The following XKR4 variants were observed in gnomAD, a reference collection of about 807,000 sequenced individuals.
XKR4 encodes XK related 4, also known as XK-related protein 4.
In XKR4, 12 loss-of-function variants were observed where a neutral mutation model predicts 53.9. The observed-to-expected ratio is 0.22, with a 90% CI of 0.14 to 0.36. The LOEUF (loss-of-function observed/expected upper bound fraction) is 0.36. Ranked by LOEUF, XKR4 falls within the 10% of genes least tolerant of loss-of-function variation. XKR4 has a pLI of 1.00. For synonymous variants in XKR4, 354 were observed against 362.4 expected, an observed-to-expected ratio of 0.98 and a Z score of 0.26; for missense variants, 799 against 859.5, an observed-to-expected ratio of 0.93 and a Z score of 0.88.
chr8:55,345,950 A>G (rs1803630503), intron 1 of XKR4, among the ~76,000 whole-genome samples: 2 of 152,104 alleles, frequency 1.3e-5, no homozygotes, highest in Non-Finnish European at 2.9e-5. Context: ...CATTTCACTT[A>G]TATCCAGAGA....
At chr8:55,204,921 G>T (rs1585937433) in intron 1 of XKR4, among the ~76,000 whole-genome samples, 1 of 152,298 alleles carries the variant, frequency 6.6e-6, no homozygotes, top group East Asian at 1.9e-4. Flanking sequence ...CCCAACAGGG[G>T]CACTGTTAGA....
At chr8:55,152,550 A>G (rs867875823) in intron 1 of XKR4, among the ~76,000 whole-genome samples, 4 of 152,332 alleles carry the variant, frequency 2.6e-5, no homozygotes, top group Middle Eastern at 3.4e-3. Flanking sequence ...TAATTCTTAT[A>G]AAGGGTTGAT....
At chr8:55,334,955 C>T (rs547324449) in intron 1 of XKR4, among the ~76,000 whole-genome samples, 2 of 152,278 alleles carry the variant, frequency 1.3e-5, no homozygotes, top group East Asian at 1.9e-4. Context: ...CATCCATAGG[C>T]TTTGGATCAG....
chr8:55,308,244 C>T (rs572778752), intron 1 of XKR4, among the ~76,000 whole-genome samples: 8 of 152,208 alleles, frequency 5.3e-5, no homozygotes, highest in Admixed American at 4.6e-4. Flanking sequence ...CGCAGCAAGA[C>T]TCCATCTCAA....
At chr8:55,288,259 G>T (rs1392174355) in intron 1 of XKR4, among the ~76,000 whole-genome samples, 2 of 152,184 alleles carry the variant, frequency 1.3e-5, no homozygotes, top group Non-Finnish European at 2.9e-5. Flanking sequence ...GCTTTCAAGG[G>T]CTTGGGGAAA....
intron 2 of XKR4, chr8:55,455,150 G>T: frequency 1.7e-6 from 1 of 581,316 alleles, no homozygotes; most frequent in Non-Finnish European, 3.2e-6. Flanking sequence ...GGGGAGGGAC[G>T]CTGGGCGGGC....
intron 1 of XKR4, among the ~76,000 whole-genome samples, chr8:55,262,777 T>G (rs1818545539): frequency 6.6e-6 from 1 of 152,176 alleles, no homozygotes; most frequent in African/African-American, 2.4e-5. Flanking sequence ...GAGCTGGCAT[T>G]AGATGCCCAC....
At position 55,421,239 on chromosome 8, in the gene XKR4, T is replaced by C. The variant is rs952970253; in HGVS notation, c.1006+63362T>C. Among the ~76,000 whole-genome samples the C allele has an allele frequency of 2.0e-5, 3 of 151,832 alleles. No homozygotes were observed. The South Asian group carries it at 6.2e-4, about 31-fold the overall frequency. On this transcript the variant is annotated intron_variant, in intron 2 of 2. Transcript: ENST00000327381. ...TCTCACAATAACTTTTTAAAGAGAT[T>C]AGGCAATCAAACCTCTGGTAGATTA...
chr8:55,334,866 C>T (rs543698173), intron 1 of XKR4, among the ~76,000 whole-genome samples: 56 of 152,256 alleles, frequency 3.7e-4, no homozygotes, highest in African/African-American at 1.3e-3. Context: ...GAAAATCAAG[C>T]ACTTGGAGCT....
chr8:55,284,126 A>T lies in XKR4; in HGVS notation c.807-73552A>T, dbSNP rs183495223. Among the ~76,000 whole-genome samples the T allele has an allele frequency of 3.8e-4, 58 of 152,302 alleles. 1 individual carries two copies. The highest frequency in any genetic ancestry group is 3.7e-3 in the Admixed American group (57 of 15,300). Reference sequence around the variant, plus strand: ...TAATAAAGAGAGACACAGAGGCTTGATTTATGACGAGATGATGGCCAAGGT... The same window carrying T: ...TAATAAAGAGAGACACAGAGGCTTGTTTTATGACGAGATGATGGCCAAGGT... On this transcript the variant is annotated intron_variant, in intron 1 of 2. Coordinates refer to ENST00000327381, the MANE Select transcript of XKR4 (RefSeq NM_052898.2).
intron 1 of XKR4, among the ~76,000 whole-genome samples, chr8:55,327,943 G>A (rs1315574386): frequency 6.6e-6 from 1 of 152,180 alleles, no homozygotes; most frequent in South Asian, 2.1e-4. Flanking sequence ...CTAGTATCTA[G>A]TGGTGATGAT....
At chr8:55,164,400 G>C (rs1471259054) in intron 1 of XKR4, 8 of 456,160 alleles carry the variant, frequency 1.8e-5, no homozygotes, top group Non-Finnish European at 3.5e-5. Context: ...TCACATTCCT[G>C]TTTGACTGAC....
intron 2 of XKR4, among the ~76,000 whole-genome samples, chr8:55,365,914 G>A (rs1803976481): frequency 6.6e-6 from 1 of 152,140 alleles, no homozygotes; most frequent in Non-Finnish European, 1.5e-5. Context: ...GTGACAGAAG[G>A]GGTGCAACCT....
At chr8:55,334,800 A>G (rs1266771233) in intron 1 of XKR4, among the ~76,000 whole-genome samples, 1 of 152,064 alleles carries the variant, frequency 6.6e-6, no homozygotes, top group Non-Finnish European at 1.5e-5. Flanking sequence ...AAAAAACAAA[A>G]TTTCCCTCAG....
chr8:55,313,542 G>A (rs1422712014), intron 1 of XKR4, among the ~76,000 whole-genome samples: 1 of 152,194 alleles, frequency 6.6e-6, no homozygotes, highest in African/African-American at 2.4e-5. Flanking sequence ...GATGCTGAGA[G>A]AGAGAGCAGG....
At chr8:55,359,988 G>A (rs1585537728) in intron 2 of XKR4, among the ~76,000 whole-genome samples, 2 of 152,220 alleles carry the variant, frequency 1.3e-5, no homozygotes, top group Non-Finnish European at 2.9e-5. Context: ...GCCAGACCTC[G>A]TCCTTAGCCA....
intron 1 of XKR4, among the ~76,000 whole-genome samples, chr8:55,346,205 C>T (rs889813811): frequency 1.7e-4 from 26 of 151,882 alleles, no homozygotes; most frequent in African/African-American, 6.1e-4. Context: ...CCTGCCTCAG[C>T]CTTCCGAGTA....
At chr8:55,152,436 C>T (rs1816851141) in intron 1 of XKR4, among the ~76,000 whole-genome samples, 1 of 151,762 alleles carries the variant, frequency 6.6e-6, no homozygotes, top group Non-Finnish European at 1.5e-5. Context: ...TTATACAGAA[C>T]CATTAATGAG....
intron 1 of XKR4, among the ~76,000 whole-genome samples, chr8:55,289,674 AAAGAGAAAGAAAG>A (rs1186226028): frequency 1.6e-3 from 87 of 55,240 alleles, no homozygotes; most frequent in African/African-American, 3.0e-3. Context: ...AAAAGAAAAG[AAAGAGAAAGAAAG>A]AAAGAAAGAG....
Sources: gnomAD v4.1 joint callset for allele counts (sites outside exome capture counted in the v4.1 genomes callset) on GRCh38, gnomAD v4.1.1 for gene constraint, MANE v1.5 for transcripts, NCBI Gene and HGNC (gene_info 2026-07-23, HGNC 2026-07-21) for gene names.